The following MANBA variants were observed in gnomAD, a reference collection of about 807,000 sequenced individuals.
MANBA encodes mannosidase beta.
Under a neutral mutation model 111.1 loss-of-function variants are expected in MANBA, and 83 were observed. The observed-to-expected ratio is 0.75, with a 90% CI of 0.63 to 0.90. The LOEUF is 0.90. MANBA is among the 40% of genes least tolerant of loss of function. The pLI, the probability that MANBA is intolerant of heterozygous loss-of-function variation, is 0.00. For synonymous variants in MANBA, 370 were observed against 378.7 expected (o/e 0.98, Z 0.27); for missense variants, 1,036 against 1,069.0 (o/e 0.97, Z 0.43).
At chr4:102,673,058 T>C (rs1731562428) in intron 8 of MANBA, among the ~76,000 whole-genome samples, 1 of 152,190 alleles carries the variant, frequency 6.6e-6, no homozygotes, top group Non-Finnish European at 1.5e-5. Flanking sequence ...TCTCTGGACT[T>C]GTTCTCTTGC....
intron 13 of MANBA, among the ~76,000 whole-genome samples, chr4:102,647,918 T>C (rs1052314747): frequency 6.6e-6 from 1 of 152,148 alleles, no homozygotes; most frequent in Non-Finnish European, 1.5e-5. Flanking sequence ...TTAAAATTCA[T>C]ACATTTTTAG....
At chr4:102,659,401 T>C (rs778032947) in intron 11 of MANBA, among the ~76,000 whole-genome samples, 15 of 152,216 alleles carry the variant, frequency 9.9e-5, no homozygotes, top group Non-Finnish European at 2.2e-4. Flanking sequence ...TTTCGTGGTA[T>C]ATCCATTCAT....
chr4:102,710,465 C>G (rs190010320), intron 5 of MANBA, among the ~76,000 whole-genome samples: 2 of 152,084 alleles, frequency 1.3e-5, no homozygotes, highest in South Asian at 2.1e-4. Flanking sequence ...GGTGAAAGAC[C>G]TCTACAAGGA....
chr4:102,631,746 C>A lies in MANBA; in HGVS notation c.*311G>T. ...ATCCTGCCATGTCACATTCTTGTAACCAGCTGCAGGGCCATCTTGTTATAA... is the reference window on the plus strand; with the variant it reads ...ATCCTGCCATGTCACATTCTTGTAAACAGCTGCAGGGCCATCTTGTTATAA... On this transcript the variant is annotated 3_prime_UTR_variant, in exon 17 of 17. Coordinates refer to ENST00000647097, the MANE Select transcript of MANBA (RefSeq NM_005908.4). 1 of 568,906 alleles carries A rather than the reference C, an allele frequency of 1.8e-6. No homozygotes were observed. The highest frequency in any genetic ancestry group is 2.5e-5 in the South Asian group (1 of 40,630). The allele number at this position is 568,906 out of a possible 1,614,324, so 35.2% of individuals were successfully genotyped here. A position where few individuals can be genotyped will look rare whatever the true frequency, so the allele number is the denominator to read the frequency against.
chr4:102,730,129 A>G, intron 1 of MANBA: 1 of 1,206,602 alleles, frequency 8.3e-7, no homozygotes, highest in South Asian at 1.5e-5. Context: ...CGGGGCCCAG[A>G]GGTGGACACC....
At chr4:102,668,761 G>T in intron 10 of MANBA, 2 of 556,436 alleles carry the variant, frequency 3.6e-6, no homozygotes, top group Non-Finnish European at 6.6e-6. Context: ...CAGGACTGGG[G>T]ATAAATCTGG....
At chr4:102,751,803 ATTG>A in intron 1 of MANBA, 1 of 513,768 alleles carries the variant, frequency 1.9e-6, no homozygotes, top group Non-Finnish European at 4.0e-6. Flanking sequence ...AATAATGACA[ATTG>A]TTGGACATAG....
intron 1 of MANBA, among the ~76,000 whole-genome samples, chr4:102,740,583 A>G (rs1723366976): frequency 6.6e-6 from 1 of 152,122 alleles, no homozygotes. Context: ...GCATGCTACA[A>G]GTACAAAAAC....
chr4:102,752,490 G>C, intron 1 of MANBA: 1 of 745,994 alleles, frequency 1.3e-6, no homozygotes, highest in Non-Finnish European at 2.5e-6. Context: ...TCAAGTTGTG[G>C]GATACAAGAA....
chr4:102,661,463 G>T (rs1050599688), intron 11 of MANBA, among the ~76,000 whole-genome samples: 1 of 152,130 alleles, frequency 6.6e-6, no homozygotes, highest in African/African-American at 2.4e-5. Flanking sequence ...AGTAGATGTT[G>T]GGTGAATTTA....
intron 12 of MANBA, among the ~76,000 whole-genome samples, chr4:102,653,685 T>C (rs2110206237): frequency 6.6e-6 from 1 of 152,324 alleles, no homozygotes; most frequent in South Asian, 2.1e-4. Flanking sequence ...TCCTCAACTT[T>C]TTCTATTTTA....
At chr4:102,729,806 C>T (rs1722960707) in intron 1 of MANBA, 1 of 1,215,676 alleles carries the variant, frequency 8.2e-7, no homozygotes, top group East Asian at 2.3e-5. Flanking sequence ...GGAGGCTCCA[C>T]TTAGTCTCCA....
At chr4:102,724,666 G>T (rs937222603) in intron 2 of MANBA, among the ~76,000 whole-genome samples, 80 of 152,224 alleles carry the variant, frequency 5.3e-4, no homozygotes, top group African/African-American at 1.8e-3. Flanking sequence ...TGAATATTAT[G>T]CACCCAGCAC....
chr4:102,744,743 C>T (rs1444972450), intron 1 of MANBA, among the ~76,000 whole-genome samples: 1 of 152,224 alleles, frequency 6.6e-6, no homozygotes, highest in Non-Finnish European at 1.5e-5. Flanking sequence ...AAATAGGAGA[C>T]TTGAACAGGG....
intron 7 of MANBA, among the ~76,000 whole-genome samples, chr4:102,676,669 T>C (rs1008467429): frequency 6.6e-6 from 1 of 151,586 alleles, no homozygotes; most frequent in African/African-American, 2.4e-5. Flanking sequence ...TTGTCTGTTA[T>C]CAGCACGATA....
At chr4:102,649,862 G>A (rs1470624243) in intron 13 of MANBA, among the ~76,000 whole-genome samples, 1 of 151,968 alleles carries the variant, frequency 6.6e-6, no homozygotes, top group Non-Finnish European at 1.5e-5. Flanking sequence ...CTTTATTGTA[G>A]TACCTTTCAC....
At chr4:102,650,393 A>G (rs1314610511) in intron 13 of MANBA, 144 bp downstream of exon 13, 1 of 831,304 alleles carries the variant, frequency 1.2e-6, no homozygotes, top group Non-Finnish European at 1.9e-6. Flanking sequence ...ATGTGTCATC[A>G]TATATGTTCT....
chr4:102,676,589 A>C (rs577794158), intron 7 of MANBA, among the ~76,000 whole-genome samples: 113 of 152,278 alleles, frequency 7.4e-4, no homozygotes, highest in Admixed American at 1.6e-3. Flanking sequence ...TCTCATCTGA[A>C]ATAATCATAC....
chr4:102,737,639 CGCCTGG>C (rs1245816936), intron 1 of MANBA, among the ~76,000 whole-genome samples: 1 of 152,122 alleles, frequency 6.6e-6, no homozygotes, highest in Non-Finnish European at 1.5e-5. Flanking sequence ...CCCGCCACCA[CGCCTGG>C]CTAATTTTTT....
Sources: gnomAD v4.1 joint callset for allele counts (sites outside exome capture counted in the v4.1 genomes callset) on GRCh38, gnomAD v4.1.1 for gene constraint, MANE v1.5 for transcripts, NCBI Gene and HGNC (gene_info 2026-07-23, HGNC 2026-07-21) for gene names.